GALNTL5: variants seen among roughly 807,000 people sequenced by gnomAD.
The protein encoded by GALNTL5 is polypeptide N-acetylgalactosaminyltransferase like 5.
GALNTL5 carries 44 observed loss-of-function variants against 51.0 expected under a neutral mutation model. The observed-to-expected ratio is 0.86, with a 90% confidence interval of 0.68 to 1.11. The LOEUF is 1.11. GALNTL5 is among the 50% of genes least tolerant of loss of function. The probability of loss-of-function intolerance (pLI) is 0.00; values close to 1 mark genes in which losing one functional copy is unlikely to be tolerated. For missense variants in GALNTL5, 528 were observed against 531.8 expected, an observed-to-expected ratio of 0.99 and a Z score of 0.07; for synonymous variants, 192 against 182.8, an observed-to-expected ratio of 1.05 and a Z score of -0.41.
chr7:152,002,794 G>A lies in GALNTL5; in HGVS notation c.739G>A (p.Asp247Asn), dbSNP rs762540036. Residue 247 changes from aspartate (D) to asparagine (N), a missense_variant, in exon 6 of 9, where the codon GAC (aspartate) becomes AAC (asparagine). Transcript: ENST00000392800. ...LEPLLHAIAK[D>N]PKMVVCPLID... ...GCCCCTGCTGCATGCCATTGCCAAGGACCCCAAAATGGTGGTGTGCCCCCT... is the reference window on the plus strand; with the variant it reads ...GCCCCTGCTGCATGCCATTGCCAAGAACCCCAAAATGGTGGTGTGCCCCCT... The A allele has an allele frequency of 3.7e-6, 6 of 1,614,026 alleles. No homozygotes were observed. The highest frequency in any genetic ancestry group is 5.1e-6 in the Non-Finnish European group (6 of 1,180,042).
intron 1 of GALNTL5, among the ~76,000 whole-genome samples, chr7:151,965,140 C>G (rs1586804487): frequency 6.6e-6 from 1 of 152,290 alleles, no homozygotes; most frequent in East Asian, 1.9e-4. Context: ...GTGGCTTTCC[C>G]CAAGCCCAAA....
chr7:152,007,413 CTTTTT>C (rs34271081), intron 6 of GALNTL5, among the ~76,000 whole-genome samples: 2 of 109,936 alleles, frequency 1.8e-5, no homozygotes, highest in South Asian at 2.8e-4. Flanking sequence ...AATGTTTTCT[CTTTTT>C]TTTTTTTTTT....
intron 7 of GALNTL5, 117 bp from the exon 8 acceptor site, chr7:152,014,527 C>T (rs1385334797): frequency 8.8e-6 from 9 of 1,022,196 alleles, no homozygotes; most frequent in Middle Eastern, 2.9e-4. Context: ...CTTGGCCTCC[C>T]AAAATGCTGG....
chr7:151,983,221 A>G, intron 4 of GALNTL5, 69 bp downstream of exon 4: 1 of 1,350,642 alleles, frequency 7.4e-7, no homozygotes, highest in Non-Finnish European at 1.1e-6. Context: ...TCTGTCACCC[A>G]GGCTGGAGTG....
intron 5 of GALNTL5, among the ~76,000 whole-genome samples, chr7:151,994,347 T>A (rs150185845): frequency 2.6e-5 from 4 of 152,318 alleles, no homozygotes; most frequent in South Asian, 2.1e-4. Flanking sequence ...AAACTGTACC[T>A]ACTGAGCCTG....
chr7:151,959,756 A>G (rs1346066827), intron 1 of GALNTL5, among the ~76,000 whole-genome samples: 1 of 152,070 alleles, frequency 6.6e-6, no homozygotes, highest in Non-Finnish European at 1.5e-5. Context: ...ATGTGACCCT[A>G]CTTATTGATC....
In GALNTL5 at chr7:151,967,513, T is replaced by C. The variant is rs201478212; in HGVS notation, c.247+20T>C. The C allele has an allele frequency of 8.2e-5, 132 of 1,603,566 alleles. 2 individuals are homozygous for C. The African/African-American group carries it at 1.6e-3, about 20-fold the overall frequency. ...TGTTAGGTAAGTATTTGGATTTTTT[T>C]CCGTTAGCCATTTGAAGGGGAAAAT... On this transcript the variant is annotated intron_variant, in intron 2 of 8. Coordinates refer to ENST00000392800, the MANE Select transcript of GALNTL5 (RefSeq NM_145292.4).
chr7:151,961,647 G>A (rs963189191), intron 1 of GALNTL5, among the ~76,000 whole-genome samples: 1 of 152,048 alleles, frequency 6.6e-6, no homozygotes, highest in East Asian at 1.9e-4. Context: ...AGACGCTGAC[G>A]GTCCTAGAGC....
At chr7:151,989,803 G>C (rs1563015037) in intron 5 of GALNTL5, among the ~76,000 whole-genome samples, 2 of 151,778 alleles carry the variant, frequency 1.3e-5, no homozygotes, top group African/African-American at 4.8e-5. Flanking sequence ...TTCTTTTCTT[G>C]GTATTACCAG....
intron 5 of GALNTL5, among the ~76,000 whole-genome samples, chr7:151,998,796 C>G (rs1213672053): frequency 1.5e-5 from 2 of 137,150 alleles, no homozygotes; most frequent in Admixed American, 7.6e-5. Context: ...AAAAACAAAA[C>G]TACTCCGATA....
chr7:151,991,163 G>A (rs963115725), intron 5 of GALNTL5, among the ~76,000 whole-genome samples: 1 of 152,074 alleles, frequency 6.6e-6, no homozygotes, highest in South Asian at 2.1e-4. Context: ...CGTCATCTCG[G>A]CTCACTGCAA....
chr7:151,971,326 C>T (rs1044836394), intron 3 of GALNTL5, among the ~76,000 whole-genome samples: 18 of 152,178 alleles, frequency 1.2e-4, no homozygotes, highest in African/African-American at 4.1e-4. Context: ...GAGTTACCCA[C>T]AGATCTTTTT....
At position 152,019,706 on chromosome 7, in the gene GALNTL5, C is replaced by G; in HGVS notation, c.1237C>G (p.Arg413Gly). ...TGTCACCTACGGAAATATTCGCGAG[C>G]GTGTTGAGTTAAGGAAACGACTGGG... ...KYVTYGNIRE[R>G]VELRKRLGCK... Residue 413 changes from arginine to glycine, a missense_variant, in exon 9 of 9, where the codon CGT becomes GGT. Physicochemically the swap from Arg to Gly is moderately radical, Grantham distance 125. Coordinates refer to ENST00000392800, the MANE Select transcript of GALNTL5 (RefSeq NM_145292.4). 1 of 1,602,914 alleles carries G rather than the reference C, an allele frequency of 6.2e-7. No individual in the cohort carries two copies. The highest frequency in any genetic ancestry group is 8.5e-7 in the Non-Finnish European group (1 of 1,173,486).
At chr7:151,961,019 C>T (rs2080985063) in intron 1 of GALNTL5, among the ~76,000 whole-genome samples, 1 of 152,166 alleles carries the variant, frequency 6.6e-6, no homozygotes, top group African/African-American at 2.4e-5. Context: ...CTGGGACATG[C>T]CTAAGGTCAA....
chr7:152,004,619 T>A (rs1032223445), intron 6 of GALNTL5, among the ~76,000 whole-genome samples: 2 of 152,166 alleles, frequency 1.3e-5, no homozygotes, highest in African/African-American at 4.8e-5. Context: ...GTCACCACCC[T>A]TCTGTCTCCA....
chr7:151,993,323 A>G (rs976668202), intron 5 of GALNTL5, among the ~76,000 whole-genome samples: 3 of 152,156 alleles, frequency 2.0e-5, no homozygotes, highest in African/African-American at 2.4e-5. Context: ...TCATAGAACA[A>G]ATTGTATGGT....
chr7:151,970,039 T>C (rs1218739205), intron 2 of GALNTL5, among the ~76,000 whole-genome samples: 1 of 149,916 alleles, frequency 6.7e-6, no homozygotes, highest in Non-Finnish European at 1.5e-5. Context: ...GTTGATCTCC[T>C]GACCTCGTGA....
At chr7:151,964,911 C>A (rs1027761156) in intron 1 of GALNTL5, among the ~76,000 whole-genome samples, 1 of 152,132 alleles carries the variant, frequency 6.6e-6, no homozygotes, top group African/African-American at 2.4e-5. Flanking sequence ...ACCTGGCTGC[C>A]GGGATCCTGT....
intron 4 of GALNTL5, among the ~76,000 whole-genome samples, chr7:151,985,174 G>A (rs2081345198): frequency 6.6e-6 from 1 of 152,154 alleles, no homozygotes; most frequent in African/African-American, 2.4e-5. Flanking sequence ...GGCCCCACCT[G>A]CAAATACCAT....
Sources: allele counts gnomAD v4.1 joint callset (sites outside exome capture counted in the v4.1 genomes callset), GRCh38; gene constraint gnomAD v4.1.1; transcripts MANE v1.5; gene names NCBI Gene and HGNC (gene_info 2026-07-23, HGNC 2026-07-21).